Variants in IFIT1B observed in about 807,000 individuals in gnomAD.
The protein encoded by IFIT1B is protein IFIT1 homolog B.
Under a neutral mutation model 2.5 loss-of-function variants are expected in IFIT1B, and 3 were observed. That is an observed-to-expected ratio of 1.21 (90% CI 0.55 to 3.14). The LOEUF is 3.14. IFIT1B is among the 30% of genes most tolerant of loss of function. IFIT1B has a pLI of 0.03. For missense variants in IFIT1B, 545 were observed against 556.5 expected, an observed-to-expected ratio of 0.98 and a Z score of 0.21; for synonymous variants, 196 against 203.0, an observed-to-expected ratio of 0.97 and a Z score of 0.29.
intron 1 of IFIT1B, among the ~76,000 whole-genome samples, chr10:89,380,474 C>A (rs1239959994): frequency 1.3e-5 from 2 of 150,662 alleles, no homozygotes; most frequent in African/African-American, 2.4e-5. Context: ...CTCCCTCTGT[C>A]ACCCAGTCTG....
rs1844192858 is a variant in IFIT1B at position 89,384,703 on chromosome 10, C to T, written c.1390C>T (p.Leu464=). Residue 464 remains leucine (L), a synonymous_variant, in exon 2 of 2, where the codon CTG becomes TTG. Coordinates refer to ENST00000371809, the MANE Select transcript of IFIT1B (RefSeq NM_001010987.2). ...TGCTTTGCTGTGCTATGAGAGGGCT[C>T]TGAGGCTGGCTGCTGACCTGAACCC... ...SDALLCYERA[L]RLAADLNPIF The T allele has an allele frequency of 6.2e-7, 1 of 1,613,700 alleles. No individual in the cohort carries two copies. Among genetic ancestry groups the T allele is most frequent in the Admixed American group, 1.7e-5 (1 of 59,946 alleles).
intron 1 of IFIT1B, among the ~76,000 whole-genome samples, chr10:89,378,341 G>A (rs543918923): frequency 6.6e-6 from 1 of 152,242 alleles, no homozygotes; most frequent in East Asian, 1.9e-4. Context: ...GCAAAGTTTA[G>A]GGAAATCAAC....
intron 1 of IFIT1B, among the ~76,000 whole-genome samples, chr10:89,378,742 A>G (rs547625760): frequency 6.6e-6 from 1 of 152,366 alleles, no homozygotes; most frequent in African/African-American, 2.4e-5. Flanking sequence ...GAGGGGCAAG[A>G]TGAGAATATA....
chr10:89,381,202 A>T (rs1313494605), intron 1 of IFIT1B, among the ~76,000 whole-genome samples: 1 of 152,174 alleles, frequency 6.6e-6, no homozygotes, highest in East Asian at 1.9e-4. Flanking sequence ...CTCTAGAGTA[A>T]TGGAAGTCTG....
chr10:89,382,944 C>T (rs1342304841), intron 1 of IFIT1B, among the ~76,000 whole-genome samples: 1 of 152,234 alleles, frequency 6.6e-6, no homozygotes, highest in Non-Finnish European at 1.5e-5. Flanking sequence ...TCTGTGAACC[C>T]TCTCTCCACA....
intron 1 of IFIT1B, among the ~76,000 whole-genome samples, chr10:89,381,620 G>A (rs1038766724): frequency 6.6e-6 from 1 of 152,094 alleles, no homozygotes; most frequent in African/African-American, 2.4e-5. Flanking sequence ...ATAGTAGGGA[G>A]TTTTTTAGAT....
intron 1 of IFIT1B, among the ~76,000 whole-genome samples, chr10:89,380,089 G>A (rs961421115): frequency 3.3e-5 from 5 of 151,974 alleles, no homozygotes; most frequent in Admixed American, 6.5e-5. Flanking sequence ...GGAGTTGACA[G>A]AAAGCAAGCC....
chr10:89,384,834 T>C lies in IFIT1B; in HGVS notation c.*96T>C. On this transcript the variant is annotated 3_prime_UTR_variant, in exon 2 of 2. Transcript: ENST00000371809. ...AACTTAAAGCTGTTGGAAATTTACC[T>C]TATTTTGAGCCTTGAGAGGAATGTG... 1 of 1,138,094 alleles carries C rather than the reference T, an allele frequency of 8.8e-7. No homozygotes were observed. Among genetic ancestry groups the C allele is most frequent in the East Asian group, 2.4e-5 (1 of 42,236 alleles). The allele number at this position is 1,138,094 out of a possible 1,614,324, so 70.5% of individuals were successfully genotyped here. A position where few individuals can be genotyped will look rare whatever the true frequency, so the allele number is the denominator to read the frequency against.
In IFIT1B at chr10:89,384,462, C is replaced by T; in HGVS notation, c.1149C>T (p.His383=). ...AGCTAAAGCAAGAGATTCATTACCA[C>T]TACGGCCGTTTCCAAGAACATCATG... ...EDQLKQEIHY[H]YGRFQEHHGK... Residue 383 remains histidine (H), a synonymous_variant, in exon 2 of 2, where the codon CAC becomes CAT. Transcript: ENST00000371809. The T allele has an allele frequency of 1.9e-6, 3 of 1,614,198 alleles. No homozygotes were observed. The highest frequency in any genetic ancestry group is 2.5e-6 in the Non-Finnish European group (3 of 1,180,046).
At position 89,383,622 on chromosome 10, in the gene IFIT1B, G is replaced by A; in HGVS notation, c.309G>A (p.Trp103Ter). 1 of 1,614,176 alleles carries A rather than the reference G, an allele frequency of 6.2e-7. No homozygotes were observed. ...RSLVTWGNFA[W>*]VYYHMGRLAE... Reference sequence around the variant, plus strand: ...TGGTGACCTGGGGCAACTTTGCCTGGGTGTATTACCACATGGGCAGATTGG... The same window carrying A: ...TGGTGACCTGGGGCAACTTTGCCTGAGTGTATTACCACATGGGCAGATTGG... Residue 103 changes from tryptophan (W) to a stop codon, truncating the protein, a stop_gained, in exon 2 of 2, where the codon TGG (tryptophan) becomes TGA (stop). Coordinates refer to ENST00000371809, the MANE Select transcript of IFIT1B (RefSeq NM_001010987.2). LOFTEE classifies it low-confidence loss of function (END_TRUNC).
rs1844188979 is a variant in IFIT1B, at chr10:89,384,435, T to A, written c.1122T>A (p.Asp374Glu). 1 of 1,614,044 alleles carries A rather than the reference T, an allele frequency of 6.2e-7. No homozygotes were observed. Among genetic ancestry groups the A allele is most frequent in the African/African-American group, 1.3e-5 (1 of 74,920 alleles). Residue 374 changes from aspartate to glutamate, a missense_variant, in exon 2 of 2, where the codon GAT becomes GAA. Physicochemically the swap from Asp to Glu is conservative, Grantham distance 45 (BLOSUM62 2). Transcript: ENST00000371809. ...QKGLRMKIFE[D>E]QLKQEIHYHY... ...GGTTACGCATGAAGATCTTTGAAGA[T>A]CAGCTAAAGCAAGAGATTCATTACC...
chr10:89,379,996 C>G (rs1045885011), intron 1 of IFIT1B, among the ~76,000 whole-genome samples: 6 of 151,088 alleles, frequency 4.0e-5, no homozygotes, highest in African/African-American at 1.5e-4. Flanking sequence ...GATTGCACCA[C>G]TGCACTCCAG....
intron 1 of IFIT1B, among the ~76,000 whole-genome samples, chr10:89,380,054 A>C (rs1005706349): frequency 1.3e-5 from 2 of 151,878 alleles, no homozygotes; most frequent in Admixed American, 6.6e-5. Flanking sequence ...AAAAAACAAA[A>C]GGTATTAGTT....
chr10:89,383,726 G>C lies in IFIT1B; in HGVS notation c.413G>C (p.Cys138Ser). The C allele has an allele frequency of 6.2e-7, 1 of 1,614,230 alleles. No individual in the cohort carries two copies. The highest frequency in any genetic ancestry group is 8.5e-7 in the Non-Finnish European group (1 of 1,180,040). Residue 138 changes from cysteine to serine, a missense_variant, in exon 2 of 2, where the codon TGT becomes TCT. By Grantham distance (112) the Cys-to-Ser change is moderately radical. Transcript: ENST00000371809. ...AATCCTTCCCGCTATAGAATGGAGT[G>C]TCCAGAGGTGGACTGTGAGGAAGGA... ...FANPSRYRME[C>S]PEVDCEEGWA...
At position 89,378,154 on chromosome 10, in the gene IFIT1B, C is replaced by A; in HGVS notation, c.5+14C>A. The A allele has an allele frequency of 1.2e-6, 2 of 1,613,688 alleles. No individual in the cohort carries two copies. The highest frequency in any genetic ancestry group is 1.7e-6 in the Non-Finnish European group (2 of 1,179,582). ...TAGCACCATGAGGTAAAGTCTTTCT[C>A]TGCTTCACTGACCTTATTTCTGCAC... On this transcript the variant is annotated intron_variant, in intron 1 of 1. Coordinates refer to ENST00000371809, the MANE Select transcript of IFIT1B (RefSeq NM_001010987.2).
chr10:89,383,821 G>A lies in IFIT1B; in HGVS notation c.508G>A (p.Gly170Arg), dbSNP rs1291569355. 6.2e-7 allele frequency: 1 copy of A among 1,614,210 alleles called. No homozygotes were observed. The highest frequency in any genetic ancestry group is 2.2e-5 in the East Asian group (1 of 44,884). The change falls in exon 2 of 2, where the codon GGG becomes AGG. Residue 170 changes from glycine (G) to arginine (R), a missense_variant. Transcript: ENST00000371809. ...GACCTGCTTTGAAAAGGCTCTGGAAGGGAACCCTGAAAACCCTGAATTCAA... is the reference window on the plus strand; with the variant it reads ...GACCTGCTTTGAAAAGGCTCTGGAAAGGAACCCTGAAAACCCTGAATTCAA... Reference protein sequence around the residue: ...AKTCFEKALEGNPENPEFNTG... With the variant: ...AKTCFEKALERNPENPEFNTG...
intron 1 of IFIT1B, among the ~76,000 whole-genome samples, chr10:89,381,817 G>T (rs1269016204): frequency 6.6e-6 from 1 of 151,616 alleles, no homozygotes; most frequent in African/African-American, 2.4e-5. Context: ...ACAGAGTCTG[G>T]CTCTGTTGCC....
chr10:89,383,180 T>G, intron 1 of IFIT1B, 139 bp from the exon 2 acceptor site: 1 of 724,482 alleles, frequency 1.4e-6, no homozygotes, highest in Non-Finnish European at 2.3e-6. Flanking sequence ...ATGACATGAC[T>G]GTAGAACCCA....
intron 1 of IFIT1B, among the ~76,000 whole-genome samples, chr10:89,383,109 T>C (rs1844175565): frequency 6.6e-6 from 1 of 152,204 alleles, no homozygotes; most frequent in South Asian, 2.1e-4. Flanking sequence ...ACCTATCTGT[T>C]GGCACTACAA....
Sources: gnomAD v4.1 joint callset for allele counts (sites outside exome capture counted in the v4.1 genomes callset) on GRCh38, gnomAD v4.1.1 for gene constraint, MANE v1.5 for transcripts, NCBI Gene and HGNC (gene_info 2026-07-23, HGNC 2026-07-21) for gene names.